The following ELOVL5 variants were observed in gnomAD, a reference collection of about 807,000 sequenced individuals.
ELOVL5 encodes the protein very long chain fatty acid elongase 5.
In ELOVL5, 8 loss-of-function variants were observed where a neutral mutation model predicts 38.6. That is an observed-to-expected ratio of 0.21 (90% CI 0.12 to 0.37). The LOEUF (loss-of-function observed/expected upper bound fraction) is 0.37. Among genes scored for constraint, ELOVL5 ranks in the 10% least tolerant of loss-of-function variants. The pLI is 1.00. For synonymous variants in ELOVL5, 127 were observed against 133.7 expected, an observed-to-expected ratio of 0.95 and a Z score of 0.34; for missense variants, 280 against 367.8, an observed-to-expected ratio of 0.76 and a Z score of 1.95.
intron 1 of ELOVL5, among the ~76,000 whole-genome samples, chr6:53,343,979 A>G (rs1769435970): frequency 6.6e-6 from 1 of 152,244 alleles, no homozygotes; most frequent in Non-Finnish European, 1.5e-5. Context: ...TGTAGGAGGC[A>G]TCCCAATTCT....
chr6:53,335,957 G>A (rs945276082), intron 1 of ELOVL5, among the ~76,000 whole-genome samples: 5 of 152,128 alleles, frequency 3.3e-5, no homozygotes, highest in African/African-American at 1.2e-4. Flanking sequence ...AATTTACGCA[G>A]GGTCATACTA....
chr6:53,322,990 ATG>A (rs1768358195), intron 1 of ELOVL5, among the ~76,000 whole-genome samples: 1 of 152,226 alleles, frequency 6.6e-6, no homozygotes, highest in South Asian at 2.1e-4. Flanking sequence ...TGAACACTTA[ATG>A]TGTGCTAAGC....
chr6:53,283,975 G>A (rs906560975), intron 3 of ELOVL5, among the ~76,000 whole-genome samples: 2 of 151,868 alleles, frequency 1.3e-5, no homozygotes, highest in African/African-American at 2.4e-5. Flanking sequence ...AGTAAACACT[G>A]ATGGCAATAA....
intron 1 of ELOVL5, among the ~76,000 whole-genome samples, chr6:53,343,734 C>G (rs1371567453): frequency 6.6e-6 from 1 of 152,188 alleles, no homozygotes; most frequent in Admixed American, 6.5e-5. Context: ...ATGAGGCACC[C>G]TACTTAAACA....
At chr6:53,298,010 G>C (rs1767085203) in intron 1 of ELOVL5, among the ~76,000 whole-genome samples, 1 of 152,166 alleles carries the variant, frequency 6.6e-6, no homozygotes, top group Non-Finnish European at 1.5e-5. Context: ...GCCCAAGGTG[G>C]GTTCAGGAAG....
chr6:53,337,116 A>G (rs1322126421), intron 1 of ELOVL5: 2 of 152,326 alleles, frequency 1.3e-5, no homozygotes, highest in Non-Finnish European at 2.9e-5. Flanking sequence ...ACTGAAGGAC[A>G]GCATAAATCT....
rs1193819631 is a variant in ELOVL5 at position 53,306,096 on chromosome 6, C to T, written c.-8-10389G>A. On this transcript the variant is annotated intron_variant, in intron 1 of 7. Coordinates refer to ENST00000304434, the MANE Select transcript of ELOVL5 (RefSeq NM_021814.5). ...GCGCGCGCCTGCAATTGCAGGCACT[C>T]GGCAGGCGGAGGCAGGAGAATCAGG... is the stretch of plus-strand genomic sequence containing the variant. 6.0e-5 allele frequency among the ~76,000 whole-genome samples: 9 copies of T among 150,222 alleles called. 1 individual carries two copies. The highest frequency in any genetic ancestry group is 1.2e-4 in the African/African-American group (5 of 40,830).
intron 1 of ELOVL5, among the ~76,000 whole-genome samples, chr6:53,344,392 C>T (rs1769452165): frequency 6.6e-6 from 1 of 152,124 alleles, no homozygotes; most frequent in South Asian, 2.1e-4. Flanking sequence ...ACTGCCCTGG[C>T]CATCTCTAAC....
At chr6:53,282,899 T>G (rs183317283) in intron 3 of ELOVL5, among the ~76,000 whole-genome samples, 3 of 152,362 alleles carry the variant, frequency 2.0e-5, no homozygotes, top group Non-Finnish European at 4.4e-5. Flanking sequence ...TAGAATATTA[T>G]GTTTCCAAAG....
In ELOVL5 at chr6:53,343,502, C is replaced by T. The variant is rs192938804; in HGVS notation, c.-9+5315G>A. 4.1e-3 allele frequency among the ~76,000 whole-genome samples: 619 copies of T among 152,240 alleles called. 4 individuals carry two copies. Among genetic ancestry groups the T allele is most frequent in the African/African-American group, 0.014 (584 of 41,534 alleles). On this transcript the variant is annotated intron_variant, in intron 1 of 7. Coordinates refer to ENST00000304434, the MANE Select transcript of ELOVL5 (RefSeq NM_021814.5). ...TGCTGGGATTACAGGTGTGAGCCACCGTGCCCAGCCAACATCTACCTTTCT... is the reference window on the plus strand; with the variant it reads ...TGCTGGGATTACAGGTGTGAGCCACTGTGCCCAGCCAACATCTACCTTTCT...
At chr6:53,343,339 A>G (rs1769407087) in intron 1 of ELOVL5, among the ~76,000 whole-genome samples, 1 of 152,076 alleles carries the variant, frequency 6.6e-6, no homozygotes, top group Non-Finnish European at 1.5e-5. Context: ...CAGCCTCCCA[A>G]GGAGCTGGGA....
chr6:53,317,934 C>T (rs572617982), intron 1 of ELOVL5, among the ~76,000 whole-genome samples: 1 of 152,044 alleles, frequency 6.6e-6, no homozygotes, highest in East Asian at 1.9e-4. Flanking sequence ...CTTTGCAGAA[C>T]ATAATAATGA....
intron 1 of ELOVL5, among the ~76,000 whole-genome samples, chr6:53,333,359 T>C (rs1202141410): frequency 6.6e-6 from 1 of 152,198 alleles, no homozygotes; most frequent in Non-Finnish European, 1.5e-5. Flanking sequence ...GAAATGCCTA[T>C]AAAACCAGGT....
chr6:53,347,292 G>A (rs1769589076), intron 1 of ELOVL5, among the ~76,000 whole-genome samples: 1 of 152,154 alleles, frequency 6.6e-6, no homozygotes, highest in Non-Finnish European at 1.5e-5. Context: ...AAATCTAAAA[G>A]GAAAATGAGT....
At chr6:53,315,125 A>G (rs1164576473) in intron 1 of ELOVL5, among the ~76,000 whole-genome samples, 3 of 152,236 alleles carry the variant, frequency 2.0e-5, no homozygotes, top group Non-Finnish European at 4.4e-5. Flanking sequence ...TAGGAAGTCC[A>G]TGATCAAGGT....
At chr6:53,321,388 T>A (rs1012196295) in intron 1 of ELOVL5, among the ~76,000 whole-genome samples, 1 of 152,194 alleles carries the variant, frequency 6.6e-6, no homozygotes, top group Non-Finnish European at 1.5e-5. Context: ...GAAGCAACAT[T>A]TATATAAACA....
intron 1 of ELOVL5, among the ~76,000 whole-genome samples, chr6:53,304,245 C>T (rs968356018): frequency 6.6e-6 from 1 of 152,196 alleles, no homozygotes; most frequent in Admixed American, 6.5e-5. Context: ...TCCTAAAACA[C>T]GGACTAAATC....
rs765124461 is a variant in ELOVL5 at position 53,276,199 on chromosome 6, C to T, written c.304G>A (p.Ala102Thr). 2.4e-5 allele frequency: 38 copies of T among 1,611,816 alleles called. No individual in the cohort carries two copies. The highest frequency in any genetic ancestry group is 1.6e-4 in the South Asian group (15 of 91,008). The change falls in exon 4 of 8, where the codon GCA becomes ACA. Residue 102 changes from alanine to threonine, a missense_variant. Physicochemically the swap from Ala to Thr is moderately conservative, Grantham distance 58. Transcript: ENST00000304434. The part of the protein sequence containing the change: ...YNFFCQGTRT[A>T]GESDMKIIRV... Reference sequence around the variant, plus strand: ...AGTACCTTCATATCTGATTCTCCTGCGGTGCGTGTGCCCTGACAGAAGAAG... The same window carrying T: ...AGTACCTTCATATCTGATTCTCCTGTGGTGCGTGTGCCCTGACAGAAGAAG...
chr6:53,283,161 A>G (rs1480880271), intron 3 of ELOVL5, among the ~76,000 whole-genome samples: 1 of 152,226 alleles, frequency 6.6e-6, no homozygotes, highest in Non-Finnish European at 1.5e-5. Flanking sequence ...CTATAAACAC[A>G]GGTAGGAAAG....
Sources: gnomAD v4.1 joint callset for allele counts (sites outside exome capture counted in the v4.1 genomes callset) on GRCh38, gnomAD v4.1.1 for gene constraint, MANE v1.5 for transcripts, NCBI Gene and HGNC (gene_info 2026-07-23, HGNC 2026-07-21) for gene names.